Variants in NHS observed in about 807,000 individuals in gnomAD.
NHS encodes the protein NHS actin remodeling regulator.
A neutral mutation model predicts 72.5 loss-of-function variants in NHS; 5 were observed. The observed-to-expected ratio is 0.07, with a 90% CI of 0.04 to 0.14. NHS has a LOEUF of 0.14. Among genes scored for constraint, NHS ranks in the 10% least tolerant of loss-of-function variants. The pLI is 1.00. For synonymous variants in NHS, 464 were observed against 547.7 expected (o/e 0.85, Z 2.13); for missense variants, 1,072 against 1,355.7 (o/e 0.79, Z 3.29).
chrX:17,554,409 G>A (rs754953451), intron 1 of NHS, among the ~76,000 whole-genome samples: 1 of 105,740 alleles, frequency 9.5e-6, no homozygotes, highest in Non-Finnish European at 1.9e-5. Context: ...AGAGCTGGAG[G>A]GGGGACACGG....
intron 1 of NHS, among the ~76,000 whole-genome samples, chrX:17,650,292 A>G (rs929281442): frequency 8.9e-6 from 1 of 112,609 alleles, no homozygotes; most frequent in African/African-American, 3.2e-5. Context: ...GGAAGATAAA[A>G]TAAGTACTGA....
intron 1 of NHS, among the ~76,000 whole-genome samples, chrX:17,538,392 G>C (rs1168109534): frequency 3.6e-5 from 4 of 111,684 alleles, no homozygotes; most frequent in African/African-American, 1.3e-4. Context: ...ACAGGGACGA[G>C]AAGGAAGCTG....
chrX:17,726,769 T>C lies in NHS; in HGVS notation c.2663T>C (p.Met888Thr), dbSNP rs200321491. 37 of 1,210,210 alleles carry C rather than the reference T, an allele frequency of 3.1e-5. No homozygotes were observed. In the Middle Eastern group the frequency reaches 6.9e-4, roughly 22 times the overall value. Residue 888 changes from methionine to threonine, a missense_variant, in exon 7 of 9, where the codon ATG becomes ACG. Met to Thr is a moderately conservative substitution (Grantham distance 81, BLOSUM62 -1). Transcript: ENST00000676302. The stretch of plus-strand genomic sequence containing the variant: ...CACCTGCCTCACAGTTCCAGGGAAA[T>C]GAAGCTGCCTCTTGATTTCGCCAAC... Reference protein sequence around the residue: ...GQHLPHSSREMKLPLDFANTP... With the variant: ...GQHLPHSSRETKLPLDFANTP...
intron 6 of NHS, among the ~76,000 whole-genome samples, chrX:17,724,941 A>G (rs2066431263): frequency 8.9e-6 from 1 of 111,767 alleles, no homozygotes; most frequent in Admixed American, 9.4e-5. Context: ...TCTCTTGCAA[A>G]TAAGATTTTT....
chrX:17,570,188 T>TG (rs1283172033), intron 1 of NHS, among the ~76,000 whole-genome samples: 1 of 112,183 alleles, frequency 8.9e-6, no homozygotes, highest in African/African-American at 3.2e-5. Flanking sequence ...TAAAGTAGTT[T>TG]TTTTCCAATT....
chrX:17,536,876 C>T (rs184283031), intron 1 of NHS, among the ~76,000 whole-genome samples: 26 of 111,681 alleles, frequency 2.3e-4, no homozygotes, highest in African/African-American at 4.9e-4. Context: ...CATTCTAAGA[C>T]GGTATTTGAA....
At chrX:17,586,545 A>G (rs2065577222) in intron 1 of NHS, 1 of 112,517 alleles carries the variant, frequency 8.9e-6, no homozygotes, top group Non-Finnish European at 1.9e-5. Flanking sequence ...CAATAAACAG[A>G]TCAGATTCTC....
At chrX:17,376,449 G>T in intron 1 of NHS, 127 bp downstream of exon 1, 1 of 609,892 alleles carries the variant, frequency 1.6e-6, no homozygotes, top group Non-Finnish European at 2.6e-6. Context: ...TACTACTCTC[G>T]CCTTCCCACC....
rs368842905 is a variant in NHS, at chrX:17,381,878, C to T, written c.565+5556C>T. Reference sequence around the variant, plus strand: ...CTACACTGGTTGTACCAATTTATAACCCTGGAAGTATATGAAAGTTCTGGT... The same window carrying T: ...CTACACTGGTTGTACCAATTTATAATCCTGGAAGTATATGAAAGTTCTGGT... On this transcript the variant is annotated intron_variant, in intron 1 of 8. Coordinates refer to ENST00000676302, the MANE Select transcript of NHS (RefSeq NM_001291867.2). Among the ~76,000 whole-genome samples, 7 of 112,426 alleles carry T rather than the reference C, an allele frequency of 6.2e-5. No homozygotes were observed. In the East Asian group the frequency reaches 1.9e-3, roughly 31 times the overall value.
chrX:17,489,451 C>A (rs1245435840), intron 1 of NHS, among the ~76,000 whole-genome samples: 3 of 111,994 alleles, frequency 2.7e-5, no homozygotes, highest in African/African-American at 9.7e-5. Flanking sequence ...TCTCCAGCAC[C>A]TGTTGTTTCC....
intron 1 of NHS, among the ~76,000 whole-genome samples, chrX:17,383,894 A>C (rs769739276): frequency 9.8e-5 from 11 of 112,105 alleles, no homozygotes; most frequent in Non-Finnish European, 1.7e-4. Flanking sequence ...AAAGGAACTC[A>C]AATCTATGAT....
At chrX:17,390,574 G>A (rs1199713936) in intron 1 of NHS, among the ~76,000 whole-genome samples, 1 of 111,730 alleles carries the variant, frequency 9.0e-6, no homozygotes, top group East Asian at 2.8e-4. Context: ...AAAGTTTGCG[G>A]CAATGTGGGG....
chrX:17,710,352 C>T (rs977399313), intron 3 of NHS, among the ~76,000 whole-genome samples: 11 of 112,483 alleles, frequency 9.8e-5, no homozygotes, highest in African/African-American at 2.9e-4. Context: ...CTTGTGTATA[C>T]ACATCATTAC....
At chrX:17,499,231 G>A (rs1601734574) in intron 1 of NHS, among the ~76,000 whole-genome samples, 2 of 110,946 alleles carry the variant, frequency 1.8e-5, no homozygotes, top group East Asian at 2.9e-4. Flanking sequence ...CTCCTGGAGA[G>A]TTGGCACTCT....
intron 3 of NHS, chrX:17,705,210 T>C (rs754616218): frequency 8.9e-6 from 1 of 112,116 alleles, no homozygotes; most frequent in East Asian, 2.8e-4. Context: ...GCATCAATAG[T>C]AGCATTTTGG....
chrX:17,613,288 G>A (rs937051092), intron 1 of NHS, among the ~76,000 whole-genome samples: 35 of 111,291 alleles, frequency 3.1e-4, no homozygotes, highest in Admixed American at 2.1e-3. Flanking sequence ...CAGGAGAATC[G>A]CTTGAACCCT....
chrX:17,636,151 A>G (rs1000129371), intron 1 of NHS, among the ~76,000 whole-genome samples: 11 of 111,872 alleles, frequency 9.8e-5, no homozygotes, highest in Non-Finnish European at 2.1e-4. Context: ...TCCTGAGATT[A>G]CAGAGAAAGA....
intron 1 of NHS, among the ~76,000 whole-genome samples, chrX:17,580,447 G>A (rs1241567364): frequency 8.9e-6 from 1 of 111,945 alleles, no homozygotes; most frequent in Non-Finnish European, 1.9e-5. Context: ...TAGTGGGAGG[G>A]GGCAGAGAAG....
At chrX:17,472,491 G>C (rs965731619) in intron 1 of NHS, among the ~76,000 whole-genome samples, 1 of 112,255 alleles carries the variant, frequency 8.9e-6, no homozygotes, top group African/African-American at 3.2e-5. Context: ...GAATGTGAGA[G>C]AGACAGAGAG....
Sources: gnomAD v4.1 joint callset for allele counts (sites outside exome capture counted in the v4.1 genomes callset) on GRCh38, gnomAD v4.1.1 for gene constraint, MANE v1.5 for transcripts, NCBI Gene and HGNC (gene_info 2026-07-23, HGNC 2026-07-21) for gene names.